NAV2: variants seen among roughly 807,000 people sequenced by gnomAD.
The protein encoded by NAV2 is neuron navigator 2.
NAV2 carries 54 observed loss-of-function variants against 223.2 expected under a neutral mutation model. That is an observed-to-expected ratio of 0.24 (90% confidence interval 0.19 to 0.30). The LOEUF is 0.30. Ranked by LOEUF, NAV2 falls within the 10% of genes least tolerant of loss-of-function variation. The pLI, the probability that NAV2 is intolerant of heterozygous loss-of-function variation, is 1.00. For missense variants in NAV2, 2,806 were observed against 3,147.5 expected, an observed-to-expected ratio of 0.89 and a Z score of 2.60; for synonymous variants, 1,279 against 1,239.3, an observed-to-expected ratio of 1.03 and a Z score of -0.67.
intron 1 of NAV2, among the ~76,000 whole-genome samples, chr11:19,799,949 A>C (rs991575334): frequency 1.3e-5 from 2 of 152,146 alleles, no homozygotes; most frequent in Non-Finnish European, 2.9e-5. Context: ...GAGTAATTTG[A>C]TGGAGAAATT....
chr11:19,556,227 G>A (rs1423738646), intron 1 of NAV2, among the ~76,000 whole-genome samples: 2 of 152,220 alleles, frequency 1.3e-5, no homozygotes, highest in Non-Finnish European at 1.5e-5. Flanking sequence ...AAAAGTGACA[G>A]GTTCAAGCCA....
Position 19,801,880 on chromosome 11 carries a change from T to C in NAV2, c.268-30604T>C, listed in dbSNP as rs182198985. Among the ~76,000 whole-genome samples, 153 of 152,288 alleles carry C rather than the reference T, an allele frequency of 1.0e-3. No individual in the cohort carries two copies. The Middle Eastern group carries it at 0.01, about 10-fold the overall frequency. On this transcript the variant is annotated intron_variant, in intron 1 of 37. Coordinates refer to ENST00000349880, the MANE Select transcript of NAV2 (RefSeq NM_145117.5). The stretch of plus-strand genomic sequence containing the variant: ...CAGTGATAAGTGCATATAAAGCATG[T>C]AGTACGGTGTATGCCACATAGTGTG...
intron 10 of NAV2, among the ~76,000 whole-genome samples, chr11:19,952,192 G>C (rs1386515678): frequency 1.3e-5 from 2 of 152,208 alleles, no homozygotes; most frequent in South Asian, 2.1e-4. Context: ...GTTATTCTGT[G>C]CTTCAGAATG....
chr11:19,447,965 C>T (rs990908131), intron 1 of NAV2, among the ~76,000 whole-genome samples: 3 of 152,156 alleles, frequency 2.0e-5, no homozygotes, highest in Non-Finnish European at 2.9e-5. Context: ...TCCTCTCTCT[C>T]CTCTGACCAA....
intron 20 of NAV2, among the ~76,000 whole-genome samples, 193 bp from the exon 21 acceptor site, chr11:20,067,993 A>T (rs1336784504): frequency 6.6e-6 from 1 of 152,170 alleles, no homozygotes; most frequent in Non-Finnish European, 1.5e-5. Flanking sequence ...TTTAAAAATC[A>T]TAAGCCGTTT....
intron 1 of NAV2, among the ~76,000 whole-genome samples, chr11:19,430,478 C>T (rs1414033819): frequency 6.6e-6 from 1 of 152,222 alleles, no homozygotes; most frequent in Non-Finnish European, 1.5e-5. Context: ...TACAGTGCAC[C>T]CTTGCCCTGC....
In NAV2 at chr11:19,927,468, G is replaced by GC. The variant is rs1208188618; in HGVS notation, c.932-5707dup. ...ATGGTGGCAGGAACCTGTAATCCCA[G>GC]CTACTCAGGAGGCTGAGGCAGCAGA... On this transcript the variant is annotated intron_variant, in intron 6 of 37. Coordinates refer to ENST00000349880, the MANE Select transcript of NAV2 (RefSeq NM_145117.5). Among the ~76,000 whole-genome samples the GC allele has an allele frequency of 1.6e-4, 25 of 152,352 alleles. 2 individuals are homozygous for GC. The highest frequency in any genetic ancestry group is 1.6e-3 in the Admixed American group (25 of 15,306).
chr11:19,667,019 C>T (rs562009586), intron 1 of NAV2, among the ~76,000 whole-genome samples: 2 of 152,140 alleles, frequency 1.3e-5, no homozygotes, highest in Non-Finnish European at 2.9e-5. Flanking sequence ...CCCAGCCTCC[C>T]TCCCACCATA....
chr11:19,980,018 C>T (rs1329514175), intron 10 of NAV2, among the ~76,000 whole-genome samples: 3 of 152,192 alleles, frequency 2.0e-5, no homozygotes, highest in Non-Finnish European at 4.4e-5. Context: ...GCATTTAGTA[C>T]CATTAGTGCT....
intron 18 of NAV2, among the ~76,000 whole-genome samples, chr11:20,054,683 C>G (rs1011666514): frequency 6.6e-6 from 1 of 152,136 alleles, no homozygotes; most frequent in Non-Finnish European, 1.5e-5. Flanking sequence ...AGGTCATCCT[C>G]ATTGCTTTAT....
chr11:19,945,637 C>A (rs1253913892), intron 8 of NAV2, among the ~76,000 whole-genome samples: 3 of 152,186 alleles, frequency 2.0e-5, no homozygotes, highest in Non-Finnish European at 1.5e-5. Context: ...AGCCACTGCA[C>A]CTGACCCCCA....
intron 2 of NAV2, among the ~76,000 whole-genome samples, chr11:19,841,190 T>TA (rs904601670): frequency 7.9e-5 from 12 of 151,884 alleles, no homozygotes; most frequent in African/African-American, 2.9e-4. Flanking sequence ...TGGCAGGTTC[T>TA]AAAAAAAAGG....
intron 1 of NAV2, among the ~76,000 whole-genome samples, chr11:19,736,868 C>A (rs1239134410): frequency 6.6e-6 from 1 of 152,218 alleles, no homozygotes; most frequent in Non-Finnish European, 1.5e-5. Context: ...CAACCACCTC[C>A]CCTAGGTTAT....
chr11:19,778,764 A>G (rs776640649), intron 1 of NAV2, among the ~76,000 whole-genome samples: 4 of 152,180 alleles, frequency 2.6e-5, no homozygotes, highest in Non-Finnish European at 4.4e-5. Flanking sequence ...ATACTATGTC[A>G]TGATTCCAGC....
intron 6 of NAV2, 28 bp downstream of exon 6, chr11:19,892,622 T>C (rs1438848198): frequency 6.2e-7 from 1 of 1,609,720 alleles, no homozygotes; most frequent in Non-Finnish European, 8.5e-7. Context: ...GGAGCCTTTT[T>C]GGTATTTTCC....
At chr11:19,463,910 C>A (rs898372066) in intron 1 of NAV2, among the ~76,000 whole-genome samples, 1 of 152,094 alleles carries the variant, frequency 6.6e-6, no homozygotes, top group Admixed American at 6.6e-5. Context: ...GGACCCTCAC[C>A]ATGCCCCAGG....
At position 20,083,136 on chromosome 11, in the gene NAV2, A is replaced by T. The variant is rs139471930; in HGVS notation, c.5455A>T (p.Thr1819Ser). Reference sequence around the variant, plus strand: ...ACCAAAGTTACCGCACAATGGGTCCACAGGTTCCACCCCACTGCTGAGGAA... The same window carrying T: ...ACCAAAGTTACCGCACAATGGGTCCTCAGGTTCCACCCCACTGCTGAGGAA... ...SSPKLPHNGS[T>S]GSTPLLRNSH... is the part of the protein sequence containing the mutation. Residue 1819 changes from threonine (T) to serine (S), a missense_variant, in exon 26 of 38, where the codon ACA becomes TCA. This residue lies in a region of NAV2 where 824 missense variants were observed against 1,069.4 expected (regional missense o/e 0.77). Transcript: ENST00000349880. 3.2e-3 allele frequency: 5,138 copies of T among 1,614,046 alleles called. 14 individuals carry two copies. Among genetic ancestry groups the T allele is most frequent in the Non-Finnish European group, 4.1e-3 (4,796 of 1,179,932 alleles).
At chr11:20,035,497 C>T (rs1316482115) in intron 11 of NAV2, among the ~76,000 whole-genome samples, 1 of 152,104 alleles carries the variant, frequency 6.6e-6, no homozygotes, top group Non-Finnish European at 1.5e-5. Context: ...CCTCGCTCGG[C>T]GTTTCATTCC....
chr11:19,616,956 C>A (rs1221027384), intron 1 of NAV2, among the ~76,000 whole-genome samples: 1 of 152,012 alleles, frequency 6.6e-6, no homozygotes, highest in Non-Finnish European at 1.5e-5. Flanking sequence ...ATTACTTACC[C>A]TCTGAGCCGC....
Sources: gnomAD v4.1 joint callset for allele counts (sites outside exome capture counted in the v4.1 genomes callset) on GRCh38, gnomAD v4.1.1 for gene constraint, gnomAD v4.1.1 regional missense constraint, MANE v1.5 for transcripts, NCBI Gene and HGNC (gene_info 2026-07-23, HGNC 2026-07-21) for gene names.